The following ADAM23 variants were observed in gnomAD, a reference collection of about 807,000 sequenced individuals.
ADAM23 encodes ADAM metallopeptidase domain 23, also known as disintegrin and metalloproteinase domain-containing protein 23.
Under a neutral mutation model 120.1 loss-of-function variants are expected in ADAM23, and 33 were observed. The ratio of observed to expected loss-of-function variants is 0.27; its 90% CI spans 0.21 to 0.37. The LOEUF is 0.37. Ranked by LOEUF, ADAM23 falls within the 10% of genes least tolerant of loss-of-function variation. ADAM23 has a pLI of 1.00. For synonymous variants in ADAM23, 367 were observed against 375.2 expected, an observed-to-expected ratio of 0.98 and a Z score of 0.25; for missense variants, 862 against 1,058.2, an observed-to-expected ratio of 0.81 and a Z score of 2.57.
At chr2:206,542,543 G>A (rs1697313205) in intron 5 of ADAM23, among the ~76,000 whole-genome samples, 1 of 152,084 alleles carries the variant, frequency 6.6e-6, no homozygotes, top group African/African-American at 2.4e-5. Context: ...AGGCAAGGGT[G>A]GGGTGACAAA....
intron 3 of ADAM23, among the ~76,000 whole-genome samples, chr2:206,484,227 C>T (rs1309660206): frequency 6.6e-6 from 1 of 152,080 alleles, no homozygotes; most frequent in Non-Finnish European, 1.5e-5. Flanking sequence ...GTTGAAGAAA[C>T]ACATTTCTGA....
intron 3 of ADAM23, among the ~76,000 whole-genome samples, chr2:206,510,877 A>G (rs1696609276): frequency 6.6e-6 from 1 of 152,152 alleles, no homozygotes; most frequent in Admixed American, 6.5e-5. Context: ...GTGTACTAAC[A>G]CTATTTATGT....
intron 2 of ADAM23, among the ~76,000 whole-genome samples, chr2:206,470,571 T>A (rs2105868268): frequency 6.6e-6 from 1 of 152,350 alleles, no homozygotes; most frequent in African/African-American, 2.4e-5. Context: ...ACATTTGTTT[T>A]GAGTAAAATT....
intron 2 of ADAM23, among the ~76,000 whole-genome samples, chr2:206,453,563 A>G (rs1445404385): frequency 6.6e-6 from 1 of 152,214 alleles, no homozygotes; most frequent in African/African-American, 2.4e-5. Context: ...TTTCAATTTT[A>G]CAAGGGAGTC....
At chr2:206,482,143 A>G (rs951961967) in intron 3 of ADAM23, among the ~76,000 whole-genome samples, 25 of 152,234 alleles carry the variant, frequency 1.6e-4, no homozygotes, top group African/African-American at 6.0e-4. Context: ...AAAGAATTAT[A>G]AAGAACAACT....
At chr2:206,566,674 C>G (rs1697889644) in intron 14 of ADAM23, among the ~76,000 whole-genome samples, 1 of 152,158 alleles carries the variant, frequency 6.6e-6, no homozygotes, top group Admixed American at 6.5e-5. Flanking sequence ...CATATACATA[C>G]TAAAAACATA....
intron 3 of ADAM23, among the ~76,000 whole-genome samples, chr2:206,485,730 G>A (rs1695998522): frequency 6.6e-6 from 1 of 152,212 alleles, no homozygotes; most frequent in Non-Finnish European, 1.5e-5. Context: ...CAAGACTTGT[G>A]CCTTCCCTTT....
intron 3 of ADAM23, among the ~76,000 whole-genome samples, chr2:206,527,832 A>C (rs1696972995): frequency 6.6e-6 from 1 of 152,194 alleles, no homozygotes; most frequent in Non-Finnish European, 1.5e-5. Flanking sequence ...CAGGAAGTAG[A>C]AGAGTGGACT....
At chr2:206,526,024 C>T (rs1354811833) in intron 3 of ADAM23, among the ~76,000 whole-genome samples, 3 of 152,070 alleles carry the variant, frequency 2.0e-5, no homozygotes, top group African/African-American at 4.8e-5. Context: ...CTTGGCTTCT[C>T]CATATGGAAC....
chr2:206,576,078 T>A (rs1483217763), intron 18 of ADAM23, among the ~76,000 whole-genome samples: 1 of 152,204 alleles, frequency 6.6e-6, no homozygotes, highest in African/African-American at 2.4e-5. Flanking sequence ...TTCATGATTT[T>A]TATGCATATC....
intron 24 of ADAM23, among the ~76,000 whole-genome samples, chr2:206,605,298 A>G (rs998549654): frequency 6.6e-6 from 1 of 152,244 alleles, no homozygotes; most frequent in Admixed American, 6.5e-5. Context: ...CCAGGTAAAC[A>G]TGTATTTACT....
At position 206,494,928 on chromosome 2, in the gene ADAM23, C is replaced by T. The variant is rs578085475; in HGVS notation, c.509+13620C>T. 3.7e-4 allele frequency among the ~76,000 whole-genome samples: 56 copies of T among 152,030 alleles called. 1 individual carries two copies. The highest frequency in any genetic ancestry group is 1.8e-3 in the Admixed American group (27 of 15,258). On this transcript the variant is annotated intron_variant, in intron 3 of 25. Coordinates refer to ENST00000264377, the MANE Select transcript of ADAM23 (RefSeq NM_003812.4). ...GGAAGACAAAATGAATGAAATGAAGCGTGAAGAGAAGTTTAGATAAAAAAA... is the reference window on the plus strand; with the variant it reads ...GGAAGACAAAATGAATGAAATGAAGTGTGAAGAGAAGTTTAGATAAAAAAA...
At chr2:206,570,652 T>C in intron 15 of ADAM23, 88 bp from the exon 16 acceptor site, 2 of 961,058 alleles carry the variant, frequency 2.1e-6, no homozygotes, top group Non-Finnish European at 3.3e-6. Context: ...GATAGCTGAT[T>C]ATACGGCCAT....
intron 2 of ADAM23, among the ~76,000 whole-genome samples, chr2:206,474,042 A>G (rs1245053849): frequency 6.6e-6 from 1 of 151,424 alleles, no homozygotes; most frequent in Non-Finnish European, 1.5e-5. Context: ...AAAAAACCAG[A>G]AAAACAAAAC....
In ADAM23 at chr2:206,594,920, A is replaced by G. The variant is rs755222255; in HGVS notation, c.2247+15A>G. On this transcript the variant is annotated intron_variant, in intron 23 of 25. Transcript: ENST00000264377. ...CGGGCCATGGGGTAAGTAGGTATCA[A>G]TGTGACAGCTGGAACCTTCATGGTC... The G allele has an allele frequency of 2.0e-5, 32 of 1,613,670 alleles. 1 individual carries two copies. The highest frequency in any genetic ancestry group is 3.3e-5 in the South Asian group (3 of 91,008).
chr2:206,538,762 C>CTAT (rs1409608732), intron 4 of ADAM23, among the ~76,000 whole-genome samples: 5 of 151,988 alleles, frequency 3.3e-5, no homozygotes, highest in Non-Finnish European at 7.4e-5. Context: ...GTTGTTATTA[C>CTAT]TATTATTATT....
intron 3 of ADAM23, among the ~76,000 whole-genome samples, chr2:206,486,084 G>C (rs187398774): frequency 1.3e-5 from 2 of 152,226 alleles, no homozygotes; most frequent in Admixed American, 1.3e-4. Context: ...GCAGTCAGGC[G>C]ATGAAGGACT....
In ADAM23 at chr2:206,499,273, T is replaced by C. The variant is rs562368198; in HGVS notation, c.509+17965T>C. 2.5e-4 allele frequency among the ~76,000 whole-genome samples: 38 copies of C among 152,066 alleles called. No homozygotes were observed. In the East Asian group the frequency reaches 6.8e-3, roughly 27 times the overall value. On this transcript the variant is annotated intron_variant, in intron 3 of 25. Transcript: ENST00000264377. ...AATGTCCAACAATGATAGACTGGAT[T>C]AAGAAAATGTGGCACGTATACACCA...
intron 5 of ADAM23, 143 bp downstream of exon 5, chr2:206,542,277 T>C (rs1417688108): frequency 5.3e-6 from 4 of 752,838 alleles, no homozygotes; most frequent in Non-Finnish European, 6.8e-6. Context: ...GCAATGTCCC[T>C]GTCCTCTTGA....
Sources: gnomAD v4.1 joint callset for allele counts (sites outside exome capture counted in the v4.1 genomes callset) on GRCh38, gnomAD v4.1.1 for gene constraint, MANE v1.5 for transcripts, NCBI Gene and HGNC (gene_info 2026-07-23, HGNC 2026-07-21) for gene names.